The following GNAZ variants were observed in gnomAD, a reference collection of about 807,000 sequenced individuals.
GNAZ encodes G protein subunit alpha z.
A neutral mutation model predicts 25.4 loss-of-function variants in GNAZ; 3 were observed. The ratio of observed to expected loss-of-function variants is 0.12; its 90% CI spans 0.05 to 0.30. The LOEUF (loss-of-function observed/expected upper bound fraction) is 0.30. Among genes scored for constraint, GNAZ ranks in the 10% least tolerant of loss-of-function variants. The pLI, the probability that GNAZ is intolerant of heterozygous loss-of-function variation, is 1.00. For missense variants in GNAZ, 241 were observed against 501.8 expected, an observed-to-expected ratio of 0.48 and a Z score of 4.97; for synonymous variants, 211 against 205.7, an observed-to-expected ratio of 1.03 and a Z score of -0.22.
At chr22:23,091,510 A>T (rs1056104527) in intron 1 of GNAZ, among the ~76,000 whole-genome samples, 1 of 151,960 alleles carries the variant, frequency 6.6e-6, no homozygotes, top group Admixed American at 6.5e-5. Context: ...CTATGCATAC[A>T]TGCACACACA....
intron 1 of GNAZ, among the ~76,000 whole-genome samples, chr22:23,073,837 G>A (rs564479972): frequency 2.6e-4 from 40 of 152,134 alleles, no homozygotes; most frequent in African/African-American, 9.2e-4. Flanking sequence ...CACTCACAGT[G>A]CTCACACCAG....
chr22:23,124,408 T>A lies in GNAZ; in HGVS notation c.*977T>A. ...ATCTGTCTCTCTGCTCCAAAGAAAT[T>A]TTGGAGTGAGTGGCAGTCCTGCGCC... On this transcript the variant is annotated 3_prime_UTR_variant, in exon 3 of 3. Coordinates refer to ENST00000615612, the MANE Select transcript of GNAZ (RefSeq NM_002073.4). 2.1e-6 allele frequency: 1 copy of A among 470,094 alleles called. No individual in the cohort carries two copies. The highest frequency in any genetic ancestry group is 4.4e-6 in the Non-Finnish European group (1 of 226,302). The allele number at this position is 470,094 out of a possible 1,614,324, so 29.1% of individuals were successfully genotyped here.
chr22:23,103,959 G>A (rs1293923166), intron 2 of GNAZ, among the ~76,000 whole-genome samples: 1 of 152,222 alleles, frequency 6.6e-6, no homozygotes, highest in Non-Finnish European at 1.5e-5. Context: ...TAGGTGCAGA[G>A]AAGCCAGGAA....
intron 1 of GNAZ, among the ~76,000 whole-genome samples, chr22:23,082,478 CA>C (rs1226498600): frequency 2.0e-5 from 3 of 151,680 alleles, no homozygotes; most frequent in Non-Finnish European, 4.4e-5. Flanking sequence ...CTCAGCCTCC[CA>C]AAGTGCTGGG....
intron 2 of GNAZ, among the ~76,000 whole-genome samples, chr22:23,113,876 G>C (rs2069732023): frequency 6.6e-6 from 1 of 152,240 alleles, no homozygotes; most frequent in Admixed American, 6.5e-5. Flanking sequence ...TGCCAGCCAA[G>C]GGCAGGCACC....
At chr22:23,109,154 A>T (rs1403488617) in intron 2 of GNAZ, among the ~76,000 whole-genome samples, 1 of 152,132 alleles carries the variant, frequency 6.6e-6, no homozygotes, top group African/African-American at 2.4e-5. Context: ...GACGCACTTC[A>T]CTGTCACCCA....
intron 2 of GNAZ, among the ~76,000 whole-genome samples, chr22:23,117,456 A>G (rs1458908244): frequency 6.6e-6 from 1 of 151,858 alleles, no homozygotes. Context: ...CAGCATCGAG[A>G]CCTCTCCCAC....
chr22:23,072,142 G>C (rs1303902355), intron 1 of GNAZ, among the ~76,000 whole-genome samples: 3 of 152,178 alleles, frequency 2.0e-5, no homozygotes, highest in Non-Finnish European at 4.4e-5. Flanking sequence ...TTCTCCCTCG[G>C]GCACAGCCAG....
chr22:23,093,982 G>A (rs1402215679), intron 1 of GNAZ, among the ~76,000 whole-genome samples: 1 of 152,212 alleles, frequency 6.6e-6, no homozygotes, highest in African/African-American at 2.4e-5. Context: ...GAGGGGCACG[G>A]ATGGCTGCTG....
rs2068332686 is a variant in GNAZ, at chr22:23,070,547, G to A, written c.-473G>A. 6.6e-6 allele frequency: 1 copy of A among 151,486 alleles called. No homozygotes were observed. The allele number at this position is 151,486 out of a possible 1,614,324, so 9.4% of individuals were successfully genotyped here. A position where few individuals can be genotyped will look rare whatever the true frequency, so the allele number is the denominator to read the frequency against. Reference sequence around the variant, plus strand: ...CCGCCCTGCCCGGAGCAGCTCGGCAGATGCTCTGTGCTGCGGCCCGGAGGT... The same window carrying A: ...CCGCCCTGCCCGGAGCAGCTCGGCAAATGCTCTGTGCTGCGGCCCGGAGGT... On this transcript the variant is annotated 5_prime_UTR_variant, in exon 1 of 3. Transcript: ENST00000615612.
At chr22:23,109,760 C>T (rs1273384788) in intron 2 of GNAZ, among the ~76,000 whole-genome samples, 1 of 152,212 alleles carries the variant, frequency 6.6e-6, no homozygotes, top group Non-Finnish European at 1.5e-5. Flanking sequence ...ATGGAAACAG[C>T]TGCCCCAGCC....
intron 1 of GNAZ, among the ~76,000 whole-genome samples, chr22:23,090,371 C>G (rs1341483002): frequency 6.6e-6 from 1 of 152,184 alleles, no homozygotes; most frequent in Non-Finnish European, 1.5e-5. Context: ...CTCACTGCAT[C>G]CACTTCCCCC....
intron 1 of GNAZ, among the ~76,000 whole-genome samples, chr22:23,073,780 T>C (rs1375191602): frequency 6.6e-6 from 1 of 152,200 alleles, no homozygotes; most frequent in Non-Finnish European, 1.5e-5. Context: ...GCCTGCTGCA[T>C]GCCAGGCACT....
intron 1 of GNAZ, among the ~76,000 whole-genome samples, chr22:23,091,642 A>G (rs117706500): frequency 2.6e-5 from 4 of 151,490 alleles, no homozygotes; most frequent in Non-Finnish European, 4.4e-5. Flanking sequence ...CTGCATACAC[A>G]CTGGCACCTA....
chr22:23,078,244 C>T (rs757853135), intron 1 of GNAZ, among the ~76,000 whole-genome samples: 3 of 152,252 alleles, frequency 2.0e-5, no homozygotes, highest in Non-Finnish European at 2.9e-5. Flanking sequence ...AGTGTTGCCT[C>T]CATTATCCAA....
At chr22:23,122,960 G>C (rs2070074331) in intron 2 of GNAZ, 127 bp from the exon 3 acceptor site, 1 of 642,252 alleles carries the variant, frequency 1.6e-6, no homozygotes, top group Non-Finnish European at 2.7e-6. Context: ...AGCAGAAGGA[G>C]GTGCCATTGC....
chr22:23,114,953 C>T (rs993260660), intron 2 of GNAZ, among the ~76,000 whole-genome samples: 1 of 152,188 alleles, frequency 6.6e-6, no homozygotes, highest in Admixed American at 6.5e-5. Flanking sequence ...ATCTCAGAAG[C>T]TGGCAGGGCT....
Position 23,123,230 on chromosome 22 carries a change from C to T in GNAZ, c.867C>T (p.Pro289=), listed in dbSNP as rs370352704. 83 of 1,614,020 alleles carry T rather than the reference C, an allele frequency of 5.1e-5. No individual in the cohort carries two copies. The highest frequency in any genetic ancestry group is 6.7e-5 in the Non-Finnish European group (79 of 1,180,026). Residue 289 remains proline (P), a synonymous_variant, in exon 3 of 3, where the codon CCC becomes CCT. Coordinates refer to ENST00000615612, the MANE Select transcript of GNAZ (RefSeq NM_002073.4). The part of the protein sequence containing the change: ...IRRIPLTICF[P]EYKGQNTYEE... ...GCATCCCGCTCACCATCTGCTTTCCCGAGTACAAGGGCCAGAACACGTACG... is the reference window on the plus strand; with the variant it reads ...GCATCCCGCTCACCATCTGCTTTCCTGAGTACAAGGGCCAGAACACGTACG...
At chr22:23,098,843 G>A (rs1430210779) in intron 2 of GNAZ, among the ~76,000 whole-genome samples, 1 of 152,252 alleles carries the variant, frequency 6.6e-6, no homozygotes, top group Non-Finnish European at 1.5e-5. Flanking sequence ...CGGCAGTGAG[G>A]ACAGCCCGTC....
Sources: gnomAD v4.1 joint callset for allele counts (sites outside exome capture counted in the v4.1 genomes callset) on GRCh38, gnomAD v4.1.1 for gene constraint, MANE v1.5 for transcripts, NCBI Gene and HGNC (gene_info 2026-07-23, HGNC 2026-07-21) for gene names.